Variants in UGT3A1 observed in about 807,000 individuals in gnomAD.
UGT3A1 encodes UDP glycosyltransferase family 3 member A1.
Under a neutral mutation model 37.6 loss-of-function variants are expected in UGT3A1, and 40 were observed. That is an observed-to-expected ratio of 1.06 (90% CI 0.83 to 1.38). UGT3A1 has a LOEUF of 1.38. Ranked by LOEUF, UGT3A1 falls within the 40% of genes most tolerant of loss-of-function variation. The pLI is 0.00. For synonymous variants in UGT3A1, 256 were observed against 232.3 expected (o/e 1.10, Z -0.93); for missense variants, 642 against 634.2 (o/e 1.01, Z -0.13).
rs1350260965 is a variant in UGT3A1 at position 35,951,171 on chromosome 5, G to C, written c.*3031C>G. 6.6e-6 allele frequency: 1 copy of C among 151,878 alleles called. No individual in the cohort carries two copies. The highest frequency in any genetic ancestry group is 1.5e-5 in the Non-Finnish European group (1 of 67,944). The allele number at this position is 151,878 out of a possible 1,614,324, so 9.4% of individuals were successfully genotyped here. ...GTTTCCGTTTGTATTTCAGTTCTTG[G>C]CTTTTCTCTCCTTGTTTATTTAAAC... On this transcript the variant is annotated 3_prime_UTR_variant, in exon 7 of 7. Coordinates refer to ENST00000274278, the MANE Select transcript of UGT3A1 (RefSeq NM_152404.4).
intron 2 of UGT3A1, among the ~76,000 whole-genome samples, chr5:35,982,822 T>TTAGTGAAGGAGGAGAGGCC (rs1244956733): frequency 6.6e-6 from 1 of 152,122 alleles, no homozygotes; most frequent in Non-Finnish European, 1.5e-5. Flanking sequence ...GTTGTGATCC[T>TTAGTGAAGGAGGAGAGGCC]TAGTGAAGGA....
At chr5:35,993,013 C>A (rs979349029), upstream of UGT3A1, among the ~76,000 whole-genome samples, 1 of 152,114 alleles carries the variant, frequency 6.6e-6, no homozygotes, top group Non-Finnish European at 1.5e-5. Context: ...TTCACCGTGG[C>A]AATGCAAATT....
rs541824037 is a variant in UGT3A1 at position 35,951,223 on chromosome 5, G to A, written c.*2979C>T. 6.6e-6 allele frequency: 1 copy of A among 151,706 alleles called. No homozygotes were observed. Among genetic ancestry groups the A allele is most frequent in the East Asian group, 1.9e-4 (1 of 5,190 alleles). 9.4% of individuals were successfully genotyped at this position (151,706 alleles called of 1,614,324 possible). A position where few individuals can be genotyped will look rare whatever the true frequency, so the allele number is the denominator to read the frequency against. ...TATACTTGGTATGCAAAATATTAACGTTTCCAAAATCCAAACTATGTAAAA... is the reference window on the plus strand; with the variant it reads ...TATACTTGGTATGCAAAATATTAACATTTCCAAAATCCAAACTATGTAAAA... On this transcript the variant is annotated 3_prime_UTR_variant, in exon 7 of 7. Transcript: ENST00000274278.
intron 4 of UGT3A1, among the ~76,000 whole-genome samples, chr5:35,958,312 G>A (rs1739438524): frequency 6.6e-6 from 1 of 152,104 alleles, no homozygotes; most frequent in African/African-American, 2.4e-5. Flanking sequence ...CTTAGCTCTA[G>A]CACTGTTTCA....
chr5:35,997,798 C>T (rs1360588870), intron 1 of UGT3A1, among the ~76,000 whole-genome samples: 1 of 152,216 alleles, frequency 6.6e-6, no homozygotes, highest in African/African-American at 2.4e-5. Context: ...TTCAGACACA[C>T]TGTCTTCCTC....
Position 35,977,030 on chromosome 5 carries a change from A to AAGAG in UGT3A1, c.197-8898_197-8897insCTCT, listed in dbSNP as rs1462900211. Among the ~76,000 whole-genome samples, 994 of 150,080 alleles carry AAGAG rather than the reference A, an allele frequency of 6.6e-3. 40 individuals are homozygous for AAGAG. Among genetic ancestry groups the AAGAG allele is most frequent in the African/African-American group, 0.023 (938 of 40,082 alleles). On this transcript the variant is annotated intron_variant, in intron 2 of 6. Transcript: ENST00000274278. Reference sequence around the variant, plus strand: ...AAAGAAAGAAAAAGAGAGAGAAAGAAAGAAAGAGAGAAAGGGAGAAAGAGA... The same window carrying AAGAG: ...AAAGAAAGAAAAAGAGAGAGAAAGAAAGAGAGAAAGAGAGAAAGGGAGAAAGAGA...
chr5:35,975,243 T>C (rs1307943350), intron 2 of UGT3A1, among the ~76,000 whole-genome samples: 1 of 152,168 alleles, frequency 6.6e-6, no homozygotes. Flanking sequence ...GGACTTCCAC[T>C]CACCAAGTTG....
At chr5:35,969,565 C>T (rs552430512) in intron 2 of UGT3A1, among the ~76,000 whole-genome samples, 20 of 146,118 alleles carry the variant, frequency 1.4e-4, no homozygotes, top group South Asian at 2.4e-4. Flanking sequence ...GGGAGGGGGA[C>T]GGGTGGGATG....
At position 35,954,266 on chromosome 5, in the gene UGT3A1, C is replaced by T. The variant is rs774981698; in HGVS notation, c.1508G>A (p.Cys503Tyr). The change falls in exon 7 of 7, where the codon TGT becomes TAT. Residue 503 changes from cysteine to tyrosine, a missense_variant. Physicochemically the swap from Cys to Tyr is radical, Grantham distance 194. Coordinates refer to ENST00000274278, the MANE Select transcript of UGT3A1 (RefSeq NM_152404.4). ...GGCCACCACACCCAGCAGCTTCCCA[C>T]AAAGCCACATAGTGCCCAGAGTGAG... The part of the protein sequence containing the change: ...LGLTLGTMWL[C>Y]GKLLGVVARW... 5 of 1,614,036 alleles carry T rather than the reference C, an allele frequency of 3.1e-6. No individual in the cohort carries two copies. In the Admixed American group the frequency reaches 8.3e-5, roughly 27 times the overall value.
chr5:35,991,765 T>TG (rs1740959475), upstream of UGT3A1: 1 of 463,744 alleles, frequency 2.2e-6, no homozygotes, highest in African/African-American at 2.1e-5. Flanking sequence ...AAGCTCAAGA[T>TG]GTCCCTGAGA....
intron 1 of UGT3A1, among the ~76,000 whole-genome samples, chr5:35,998,618 C>T (rs894379261): frequency 1.4e-4 from 21 of 152,266 alleles, no homozygotes; most frequent in Admixed American, 1.1e-3. Flanking sequence ...CTTGTTACCC[C>T]CAGGGCAGAC....
chr5:35,979,374 A>G (rs1740427653), intron 2 of UGT3A1, among the ~76,000 whole-genome samples: 1 of 152,146 alleles, frequency 6.6e-6, no homozygotes, highest in Non-Finnish European at 1.5e-5. Context: ...CCCAAGTCAC[A>G]TCTTGAATGC....
intron 3 of UGT3A1, among the ~76,000 whole-genome samples, chr5:35,967,109 A>T (rs1739838020): frequency 6.6e-6 from 1 of 152,216 alleles, no homozygotes; most frequent in South Asian, 2.1e-4. Context: ...TTTAACATGT[A>T]TCTGGAACCT....
intron 2 of UGT3A1, among the ~76,000 whole-genome samples, chr5:35,975,295 C>G (rs1301702013): frequency 6.6e-6 from 1 of 152,210 alleles, no homozygotes; most frequent in African/African-American, 2.4e-5. Flanking sequence ...CAGCCAGTGA[C>G]AGAGAACAAC....
At chr5:35,990,119 C>T (rs1339774872) in intron 1 of UGT3A1, among the ~76,000 whole-genome samples, 1 of 151,662 alleles carries the variant, frequency 6.6e-6, no homozygotes, top group Non-Finnish European at 1.5e-5. Context: ...GAAAGAAAAT[C>T]CTTAGTGAAA....
chr5:35,973,012 T>C (rs1407057680), intron 2 of UGT3A1, among the ~76,000 whole-genome samples: 1 of 152,058 alleles, frequency 6.6e-6, no homozygotes, highest in African/African-American at 2.4e-5. Flanking sequence ...TCTGCTAAAG[T>C]CAAGGCAATG....
rs377582384 is a variant in UGT3A1, at chr5:35,964,357, A to G, written c.843+1029T>C. On this transcript the variant is annotated intron_variant, in intron 4 of 6. Coordinates refer to ENST00000274278, the MANE Select transcript of UGT3A1 (RefSeq NM_152404.4). ...CTAGCCAGCGTCACCCAGAGAACCC[A>G]GTGCTATGGCCATCTCACTTGCACC... 7.0e-3 allele frequency among the ~76,000 whole-genome samples: 1,071 copies of G among 152,212 alleles called. 12 individuals are homozygous for G. The highest frequency in any genetic ancestry group is 0.024 in the African/African-American group (990 of 41,500).
intron 3 of UGT3A1, among the ~76,000 whole-genome samples, chr5:35,966,184 C>T (rs1231063305): frequency 6.6e-6 from 1 of 152,208 alleles, no homozygotes; most frequent in African/African-American, 2.4e-5. Flanking sequence ...CAACGTCCTA[C>T]TCTGGGAGCC....
At chr5:35,962,464 C>A in intron 4 of UGT3A1, 1 of 159,548 alleles carries the variant, frequency 6.3e-6, no homozygotes. Context: ...TGAGGTGGAC[C>A]CAGAGGAGCA....
Sources: gnomAD v4.1 joint callset for allele counts (sites outside exome capture counted in the v4.1 genomes callset) on GRCh38, gnomAD v4.1.1 for gene constraint, MANE v1.5 for transcripts, NCBI Gene and HGNC (gene_info 2026-07-23, HGNC 2026-07-21) for gene names.